Variants in KCNQ5 observed in about 807,000 individuals in gnomAD.
KCNQ5 encodes potassium voltage-gated channel subfamily KQT member 5.
A neutral mutation model predicts 98.2 loss-of-function variants in KCNQ5; 30 were observed. That is an observed-to-expected ratio of 0.31 (90% CI 0.23 to 0.41). KCNQ5 has a LOEUF of 0.41. KCNQ5 is among the 10% of genes least tolerant of loss of function. The pLI is 1.00. For missense variants in KCNQ5, 835 were observed against 1,182.5 expected (o/e 0.71, Z 4.31); for synonymous variants, 458 against 449.4 (o/e 1.02, Z -0.24).
At chr6:72,928,681 G>A (rs1188669662) in intron 1 of KCNQ5, among the ~76,000 whole-genome samples, 1 of 152,026 alleles carries the variant, frequency 6.6e-6, no homozygotes, top group Non-Finnish European at 1.5e-5. Flanking sequence ...ATAGATAGAA[G>A]TAGACAGAGA....
At chr6:73,006,157 T>C (rs62412504) in intron 2 of KCNQ5, among the ~76,000 whole-genome samples, 3,690 of 152,256 alleles carry the variant, frequency 0.024, 69 homozygotes, top group Non-Finnish European at 0.035. Flanking sequence ...AGATGACAAA[T>C]CTTAATGATT....
rs540479303 is a variant in KCNQ5 at position 72,885,615 on chromosome 6, C to T, written c.399-118293C>T. Among the ~76,000 whole-genome samples the T allele has an allele frequency of 1.1e-4, 17 of 152,116 alleles. No homozygotes were observed. In the East Asian group the frequency reaches 2.7e-3, roughly 24 times the overall value. On this transcript the variant is annotated intron_variant, in intron 1 of 13. Coordinates refer to ENST00000370398, the MANE Select transcript of KCNQ5 (RefSeq NM_019842.4). ...TCACTTACAAAAATACATAGTTGAG[C>T]TGACAAAAAAATAAGAGAGCCCCTT...
In KCNQ5 at chr6:72,879,279, A is replaced by G. The variant is rs142309016; in HGVS notation, c.399-124629A>G. Among the ~76,000 whole-genome samples, 1,272 of 152,266 alleles carry G rather than the reference A, an allele frequency of 8.4e-3. 14 individuals carry two copies. The highest frequency in any genetic ancestry group is 0.027 in the African/African-American group (1,127 of 41,554). The stretch of plus-strand genomic sequence containing the variant: ...TTTCCAATTTCTCCTTATTCTTACC[A>G]ATACTTGATACTGTCAAATGTTTTA... On this transcript the variant is annotated intron_variant, in intron 1 of 13. Transcript: ENST00000370398.
chr6:73,056,855 T>A (rs977219599), intron 3 of KCNQ5, among the ~76,000 whole-genome samples: 2 of 152,036 alleles, frequency 1.3e-5, no homozygotes, highest in Non-Finnish European at 2.9e-5. Context: ...TGTGGAGAAA[T>A]AGGAACATTT....
chr6:72,786,064 C>A (rs1172302428), intron 1 of KCNQ5, among the ~76,000 whole-genome samples: 2 of 152,022 alleles, frequency 1.3e-5, no homozygotes, highest in Admixed American at 1.3e-4. Context: ...TGATTTAAAC[C>A]AGTATATGCA....
chr6:72,781,108 G>A (rs1773442845), intron 1 of KCNQ5, among the ~76,000 whole-genome samples: 1 of 152,150 alleles, frequency 6.6e-6, no homozygotes, highest in East Asian at 1.9e-4. Context: ...GTAATTAGTT[G>A]TTAAAGTGAG....
intron 1 of KCNQ5, among the ~76,000 whole-genome samples, chr6:72,850,245 A>G (rs991428811): frequency 2.0e-5 from 3 of 152,194 alleles, no homozygotes; most frequent in Admixed American, 2.0e-4. Flanking sequence ...TGTCCAGTAC[A>G]AATGAAATAT....
At chr6:73,108,421 T>C (rs1488489117) in intron 6 of KCNQ5, among the ~76,000 whole-genome samples, 2 of 152,216 alleles carry the variant, frequency 1.3e-5, no homozygotes, top group African/African-American at 2.4e-5. Context: ...ACTAGTGCTG[T>C]TTGACTCACG....
intron 1 of KCNQ5, among the ~76,000 whole-genome samples, chr6:72,886,705 A>T (rs1035435024): frequency 3.3e-5 from 5 of 152,188 alleles, no homozygotes; most frequent in African/African-American, 7.2e-5. Flanking sequence ...AGAAAGAATG[A>T]CAATTAGACT....
chr6:72,728,423 A>T (rs1297539025), intron 1 of KCNQ5, among the ~76,000 whole-genome samples: 2 of 152,148 alleles, frequency 1.3e-5, no homozygotes, highest in African/African-American at 4.8e-5. Context: ...ATGCCCCCCA[A>T]CACACACTCC....
intron 1 of KCNQ5, among the ~76,000 whole-genome samples, chr6:72,968,288 G>A (rs1767713824): frequency 6.6e-6 from 1 of 152,126 alleles, no homozygotes; most frequent in Admixed American, 6.5e-5. Flanking sequence ...GGTGTTCTAT[G>A]GAAAACAGTC....
In KCNQ5 at chr6:72,658,559, G is replaced by GATATAT. The variant is rs1189137122; in HGVS notation, c.398+35987_398+35992dup. ...GCCTCCCAAAGTGCTGGGATTAAAGGATATATATATATATATATATTTTTT... is the reference window on the plus strand; with the variant it reads ...GCCTCCCAAAGTGCTGGGATTAAAGGATATATATATATATATATATATATATTTTTT... On this transcript the variant is annotated intron_variant, in intron 1 of 13. Coordinates refer to ENST00000370398, the MANE Select transcript of KCNQ5 (RefSeq NM_019842.4). Among the ~76,000 whole-genome samples the GATATAT allele has an allele frequency of 4.0e-3, 349 of 88,286 alleles. 2 individuals carry two copies. The highest frequency in any genetic ancestry group is 7.9e-3 in the East Asian group (24 of 3,028). 57.9% of individuals were successfully genotyped at this position (88,286 alleles called of 152,430 possible). A position where few individuals can be genotyped will look rare whatever the true frequency, so the allele number is the denominator to read the frequency against.
chr6:73,052,794 T>G (rs1475462467), intron 3 of KCNQ5, among the ~76,000 whole-genome samples: 1 of 152,168 alleles, frequency 6.6e-6, no homozygotes, highest in Admixed American at 6.5e-5. Context: ...CGTGCTTAAG[T>G]ACACACACCA....
intron 1 of KCNQ5, among the ~76,000 whole-genome samples, chr6:72,793,563 G>T (rs1054213475): frequency 6.6e-6 from 1 of 152,128 alleles, no homozygotes; most frequent in Non-Finnish European, 1.5e-5. Flanking sequence ...TGGGGGAGTT[G>T]GCATTTTGTA....
At chr6:73,059,682 T>C (rs1772692291) in intron 3 of KCNQ5, among the ~76,000 whole-genome samples, 1 of 152,138 alleles carries the variant, frequency 6.6e-6, no homozygotes, top group Non-Finnish European at 1.5e-5. Context: ...ATGTTTCTGC[T>C]TTTTCTGTTT....
chr6:72,938,571 G>A (rs1307107363), intron 1 of KCNQ5, among the ~76,000 whole-genome samples: 1 of 151,506 alleles, frequency 6.6e-6, no homozygotes, highest in Admixed American at 6.6e-5. Context: ...TTTTAGTAGA[G>A]ATGGGGTTTC....
intron 8 of KCNQ5, among the ~76,000 whole-genome samples, chr6:73,122,837 A>C (rs1245710628): frequency 1.3e-5 from 2 of 152,236 alleles, no homozygotes; most frequent in Non-Finnish European, 1.5e-5. Context: ...CCAAGTTCAA[A>C]CTTTTGTTTT....
At chr6:72,921,999 G>A (rs1436931776) in intron 1 of KCNQ5, among the ~76,000 whole-genome samples, 2 of 152,182 alleles carry the variant, frequency 1.3e-5, no homozygotes, top group African/African-American at 4.8e-5. Flanking sequence ...AAGGTTGTGG[G>A]TGGGAGAGAA....
intron 7 of KCNQ5, among the ~76,000 whole-genome samples, chr6:73,115,379 A>AAAT (rs1775449200): frequency 6.6e-6 from 1 of 152,196 alleles, no homozygotes; most frequent in Non-Finnish European, 1.5e-5. Context: ...TTTATCAAAG[A>AAAT]AATACAACAT....
Sources: gnomAD v4.1 joint callset for allele counts (sites outside exome capture counted in the v4.1 genomes callset) on GRCh38, gnomAD v4.1.1 for gene constraint, MANE v1.5 for transcripts, NCBI Gene and HGNC (gene_info 2026-07-23, HGNC 2026-07-21) for gene names.